CEP295: variants seen among roughly 807,000 people sequenced by gnomAD.
The protein encoded by CEP295 is centrosomal protein 295, also known as centrosomal protein of 295 kDa.
A neutral mutation model predicts 291.6 loss-of-function variants in CEP295; 190 were observed. That is an observed-to-expected ratio of 0.65 (90% CI 0.58 to 0.73). The LOEUF is 0.73. CEP295 is among the 30% of genes least tolerant of loss of function. The probability of loss-of-function intolerance (pLI) is 0.00; values close to 1 mark genes in which losing one functional copy is unlikely to be tolerated. For synonymous variants in CEP295, 993 were observed against 1,038.8 expected (o/e 0.96, Z 0.85); for missense variants, 2,863 against 2,949.4 (o/e 0.97, Z 0.68).
chr11:93,699,168 C>T lies in CEP295; in HGVS notation c.4256C>T (p.Pro1419Leu), dbSNP rs763204069. 22 of 1,551,684 alleles carry T rather than the reference C, an allele frequency of 1.4e-5. No homozygotes were observed. Among genetic ancestry groups the T allele is most frequent in the Admixed American group, 9.8e-5 (5 of 50,986 alleles). Residue 1419 changes from proline to leucine, a missense_variant, in exon 15 of 30, where the codon CCA becomes CTA. Coordinates refer to ENST00000325212, the MANE Select transcript of CEP295 (RefSeq NM_033395.2). ...AATGAATCTGAAAGAAACCAAGAACCATGTTCAATTAACAGTGATAATATA... is the reference window on the plus strand; with the variant it reads ...AATGAATCTGAAAGAAACCAAGAACTATGTTCAATTAACAGTGATAATATA... ...PLNESERNQEPCSINSDNIVS... is the reference protein window; with the variant it reads ...PLNESERNQELCSINSDNIVS...
intron 1 of CEP295, among the ~76,000 whole-genome samples, chr11:93,664,132 AG>A (rs1167506751): frequency 1.3e-5 from 2 of 152,216 alleles, no homozygotes; most frequent in Non-Finnish European, 2.9e-5. Flanking sequence ...ATCAGGAATT[AG>A]TCTTAATTAT....
At chr11:93,723,392 T>C in intron 21 of CEP295, 103 bp downstream of exon 21, 2 of 830,388 alleles carry the variant, frequency 2.4e-6, no homozygotes, top group Non-Finnish European at 3.7e-6. Flanking sequence ...TTCATGTTCT[T>C]ATGGCCTGCT....
At chr11:93,662,762 G>C (rs1285823315) in intron 1 of CEP295, among the ~76,000 whole-genome samples, 1 of 152,212 alleles carries the variant, frequency 6.6e-6, no homozygotes, top group East Asian at 1.9e-4. Context: ...GCAAAAGTAT[G>C]ATGAAAAGCA....
At chr11:93,695,755 A>C in intron 13 of CEP295, 121 bp downstream of exon 13, 1 of 1,177,714 alleles carries the variant, frequency 8.5e-7, no homozygotes, top group Non-Finnish European at 1.1e-6. Context: ...TCATGCCTGT[A>C]ATCTCAGCAC....
chr11:93,696,423 A>G lies in CEP295; in HGVS notation c.1769+6A>G. 1 of 1,484,158 alleles carries G rather than the reference A, an allele frequency of 6.7e-7. No individual in the cohort carries two copies. The highest frequency in any genetic ancestry group is 9.2e-7 in the Non-Finnish European group (1 of 1,086,392). The allele number at this position is 1,484,158 out of a possible 1,614,324, so 91.9% of individuals were successfully genotyped here. A position where few individuals can be genotyped will look rare whatever the true frequency, so the allele number is the denominator to read the frequency against. On this transcript the variant is annotated splice_donor_region_variant and intron_variant, in intron 14 of 29. Coordinates refer to ENST00000325212, the MANE Select transcript of CEP295 (RefSeq NM_033395.2). Reference sequence around the variant, plus strand: ...CAGCTTTTACAACAAAACAGGTATTAGCTAGGGTATAATTTATATGTGATC... The same window carrying G: ...CAGCTTTTACAACAAAACAGGTATTGGCTAGGGTATAATTTATATGTGATC...
intron 13 of CEP295, 75 bp from the exon 14 acceptor site, chr11:93,696,245 T>C (rs965267139): frequency 2.5e-6 from 2 of 805,162 alleles, no homozygotes; most frequent in East Asian, 2.7e-5. Context: ...TTTACAATTA[T>C]AGAACTGTAT....
intron 7 of CEP295, among the ~76,000 whole-genome samples, chr11:93,683,254 C>A (rs897426933): frequency 1.3e-5 from 2 of 152,166 alleles, no homozygotes; most frequent in African/African-American, 4.8e-5. Flanking sequence ...AGCTGGCAGA[C>A]ACTTTTTGCA....
At chr11:93,672,239 C>T (rs745391758) in intron 5 of CEP295, among the ~76,000 whole-genome samples, 53 of 152,144 alleles carry the variant, frequency 3.5e-4, no homozygotes, top group Non-Finnish European at 6.3e-4. Flanking sequence ...GCTAACTGTT[C>T]AAGTTAACTA....
intron 1 of CEP295, among the ~76,000 whole-genome samples, chr11:93,664,399 T>G (rs1347021244): frequency 6.6e-6 from 1 of 152,244 alleles, no homozygotes; most frequent in East Asian, 1.9e-4. Context: ...GAAAGTCCTT[T>G]AACCCAAGAG....
intron 10 of CEP295, among the ~76,000 whole-genome samples, chr11:93,690,128 C>T (rs1951444794): frequency 6.6e-6 from 1 of 152,266 alleles, no homozygotes; most frequent in African/African-American, 2.4e-5. Context: ...GATAAAGGGC[C>T]TGGCTGGGCG....
chr11:93,668,962 A>C, intron 4 of CEP295, 30 bp downstream of exon 4: 1 of 965,310 alleles, frequency 1.0e-6, no homozygotes. Flanking sequence ...TATAATCTCA[A>C]CTGAAACTAA....
chr11:93,673,942 A>AT (rs1416365770), intron 5 of CEP295, among the ~76,000 whole-genome samples: 7 of 43,196 alleles, frequency 1.6e-4, no homozygotes, highest in African/African-American at 3.5e-4. Flanking sequence ...GATTTTCTTA[A>AT]TCCCCCCTTC....
intron 15 of CEP295, among the ~76,000 whole-genome samples, chr11:93,700,697 C>A (rs1005009686): frequency 3.3e-5 from 5 of 151,882 alleles, no homozygotes; most frequent in African/African-American, 7.3e-5. Context: ...ACCCAAAGCT[C>A]AATTAATTTC....
chr11:93,703,692 G>C (rs1437435656), intron 17 of CEP295, among the ~76,000 whole-genome samples: 1 of 148,594 alleles, frequency 6.7e-6, no homozygotes, highest in East Asian at 2.0e-4. Context: ...TGGTCAATTA[G>C]ATATATTTAT....
At chr11:93,680,784 C>G (rs564255302) in intron 7 of CEP295, among the ~76,000 whole-genome samples, 17 of 152,280 alleles carry the variant, frequency 1.1e-4, no homozygotes, top group African/African-American at 4.1e-4. Context: ...AAAAATGATT[C>G]ATCTTATTAG....
rs756575749 is a variant in CEP295, at chr11:93,729,969, G to A, written c.7667G>A (p.Arg2556Lys). Residue 2556 changes from arginine (R) to lysine (K), a missense_variant and splice_region_variant, in exon 28 of 30, where the codon AGG (arginine) becomes AAG (lysine). By Grantham distance (26) the Arg-to-Lys change is conservative. This residue lies in a region of CEP295 where 2,295 missense variants were observed against 2,335.7 expected (regional missense o/e 0.98). Coordinates refer to ENST00000325212, the MANE Select transcript of CEP295 (RefSeq NM_033395.2). ...GCTCTAAGGCACCAAAGGGGTCTAA[G>A]GTAGGGTTAATTTTTTTTTTTTTTT... ...TQALRHQRGL[R>K]LYNQLAEVKQ... 1.1e-4 allele frequency: 173 copies of A among 1,516,940 alleles called. No homozygotes were observed. Among genetic ancestry groups the A allele is most frequent in the Middle Eastern group, 5.2e-4 (3 of 5,796 alleles). 94.0% of individuals were successfully genotyped at this position (1,516,940 alleles called of 1,614,324 possible). A position where few individuals can be genotyped will look rare whatever the true frequency, so the allele number is the denominator to read the frequency against.
intron 19 of CEP295, 72 bp downstream of exon 19, chr11:93,721,484 A>G (rs903379403): frequency 4.1e-6 from 4 of 964,262 alleles, no homozygotes; most frequent in African/African-American, 3.2e-5. Context: ...TTTAGTTTAC[A>G]GAAGCTATGT....
chr11:93,725,894 A>T, intron 23 of CEP295, 63 bp downstream of exon 23: 1 of 1,393,350 alleles, frequency 7.2e-7, no homozygotes, highest in South Asian at 1.3e-5. Flanking sequence ...ATTTCCTTAG[A>T]AATTAAGCCT....
At chr11:93,669,573 C>T in intron 4 of CEP295, 104 bp from the exon 5 acceptor site, 2 of 667,338 alleles carry the variant, frequency 3.0e-6, no homozygotes, top group Non-Finnish European at 5.1e-6. Flanking sequence ...CCTGTGGAAT[C>T]AGACTAGAGG....
Sources: gnomAD v4.1 joint callset for allele counts (sites outside exome capture counted in the v4.1 genomes callset) on GRCh38, gnomAD v4.1.1 for gene constraint, gnomAD v4.1.1 regional missense constraint, MANE v1.5 for transcripts, NCBI Gene and HGNC (gene_info 2026-07-23, HGNC 2026-07-21) for gene names.